Variants in CA10 observed in about 807,000 individuals in gnomAD.
CA10 encodes carbonic anhydrase-related protein 10.
Under a neutral mutation model 44.2 loss-of-function variants are expected in CA10, and 14 were observed. The ratio of observed to expected loss-of-function variants is 0.32; its 90% CI spans 0.21 to 0.50. The LOEUF (loss-of-function observed/expected upper bound fraction) is 0.50. CA10 is among the 20% of genes least tolerant of loss of function. The pLI is 0.99. For missense variants in CA10, 350 were observed against 409.7 expected (o/e 0.85, Z 1.26); for synonymous variants, 159 against 141.6 (o/e 1.12, Z -0.87).
intron 3 of CA10, among the ~76,000 whole-genome samples, chr17:51,752,939 AT>A (rs1295285837): frequency 6.6e-6 from 1 of 152,100 alleles, no homozygotes; most frequent in African/African-American, 2.4e-5. Context: ...AAATAAATAA[AT>A]AAAATAAAAA....
chr17:52,152,979 G>T (rs1158298844), intron 1 of CA10, among the ~76,000 whole-genome samples: 2 of 151,972 alleles, frequency 1.3e-5, no homozygotes, highest in Non-Finnish European at 2.9e-5. Context: ...TTCTATAATG[G>T]CTTGCTATCA....
chr17:52,062,487 T>C (rs1987416576), intron 2 of CA10, among the ~76,000 whole-genome samples: 1 of 152,134 alleles, frequency 6.6e-6, no homozygotes, highest in South Asian at 2.1e-4. Context: ...AAAAGGTTTT[T>C]CAGAAATCTT....
chr17:51,936,532 G>T (rs1401232624), intron 2 of CA10, among the ~76,000 whole-genome samples: 1 of 116,398 alleles, frequency 8.6e-6, no homozygotes, highest in East Asian at 3.2e-4. Flanking sequence ...TGGCAGAGAA[G>T]AGCTGGATGT....
At chr17:52,041,474 T>C (rs994125925) in intron 2 of CA10, among the ~76,000 whole-genome samples, 1 of 152,094 alleles carries the variant, frequency 6.6e-6, no homozygotes, top group Non-Finnish European at 1.5e-5. Flanking sequence ...AAATTGTATA[T>C]ATTTAAGGCA....
intron 3 of CA10, among the ~76,000 whole-genome samples, chr17:51,864,298 C>T (rs193079698): frequency 6.6e-6 from 1 of 152,144 alleles, no homozygotes; most frequent in Non-Finnish European, 1.5e-5. Flanking sequence ...CCCTAAGTTG[C>T]TTAGTAGATC....
intron 2 of CA10, among the ~76,000 whole-genome samples, chr17:51,932,474 G>T (rs1982703112): frequency 6.6e-6 from 1 of 152,066 alleles, no homozygotes; most frequent in Non-Finnish European, 1.5e-5. Flanking sequence ...TAACAGACAT[G>T]GGAGGAGAAC....
intron 3 of CA10, chr17:51,763,068 A>G (rs758375295): frequency 6.6e-6 from 1 of 152,208 alleles, no homozygotes; most frequent in African/African-American, 2.4e-5. Context: ...AAACCCAAGA[A>G]AAGCCCAATG....
intron 3 of CA10, among the ~76,000 whole-genome samples, chr17:51,930,317 C>T (rs893654242): frequency 5.9e-5 from 9 of 151,972 alleles, no homozygotes; most frequent in African/African-American, 1.9e-4. Flanking sequence ...TAAAAGATAG[C>T]CAAGTAGACA....
chr17:51,775,110 G>A (rs1182510589), intron 3 of CA10, among the ~76,000 whole-genome samples: 1 of 152,128 alleles, frequency 6.6e-6, no homozygotes, highest in African/African-American at 2.4e-5. Context: ...CTCTAAAGGG[G>A]GAGGGGCATA....
intron 4 of CA10, among the ~76,000 whole-genome samples, chr17:51,730,299 G>A (rs1043609137): frequency 6.6e-6 from 1 of 152,154 alleles, no homozygotes; most frequent in Non-Finnish European, 1.5e-5. Flanking sequence ...CAGAGTTTTG[G>A]ATTATTCATT....
chr17:51,974,258 C>A (rs1212549357), intron 2 of CA10, among the ~76,000 whole-genome samples: 1 of 151,640 alleles, frequency 6.6e-6, no homozygotes, highest in Non-Finnish European at 1.5e-5. Flanking sequence ...GTGGTGGGAG[C>A]CTGTAATCCC....
intron 4 of CA10, among the ~76,000 whole-genome samples, chr17:51,661,440 T>A (rs1914003851): frequency 6.6e-6 from 1 of 152,176 alleles, no homozygotes; most frequent in Admixed American, 6.5e-5. Context: ...TTGGGTCCCC[T>A]TACATGAGCA....
At chr17:51,693,206 G>A (rs1049183302) in intron 4 of CA10, among the ~76,000 whole-genome samples, 3 of 151,946 alleles carry the variant, frequency 2.0e-5, no homozygotes, top group Admixed American at 2.0e-4. Context: ...ACCAGTTTCA[G>A]TTGGCTTCAG....
chr17:51,882,191 C>A (rs901952706), intron 3 of CA10, among the ~76,000 whole-genome samples: 1 of 151,754 alleles, frequency 6.6e-6, no homozygotes, highest in Admixed American at 6.6e-5. Flanking sequence ...GTACAGTATT[C>A]GCTATGTATA....
intron 4 of CA10, among the ~76,000 whole-genome samples, chr17:51,685,443 A>T (rs1427292689): frequency 6.6e-6 from 1 of 152,154 alleles, no homozygotes; most frequent in Non-Finnish European, 1.5e-5. Context: ...CAAAGCTGCC[A>T]GGTACAACTG....
intron 1 of CA10, among the ~76,000 whole-genome samples, chr17:52,150,491 T>C (rs1001491173): frequency 3.9e-5 from 6 of 152,192 alleles, no homozygotes; most frequent in African/African-American, 1.4e-4. Context: ...GTATCCTCAA[T>C]AAATGTTGAA....
At chr17:52,114,367 T>C (rs1418553173) in intron 1 of CA10, among the ~76,000 whole-genome samples, 1 of 152,208 alleles carries the variant, frequency 6.6e-6, no homozygotes, top group East Asian at 1.9e-4. Flanking sequence ...CTAAACTACC[T>C]AGGTTCCAAT....
In CA10 at chr17:51,631,327, T is replaced by TGA. The variant is rs1567780764; in HGVS notation, c.*256_*257insTC. The TGA allele has an allele frequency of 7.1e-6, 3 of 421,490 alleles. No homozygotes were observed. Among genetic ancestry groups the TGA allele is most frequent in the African/African-American group, 6.1e-5 (3 of 48,878 alleles). 26.1% of individuals were successfully genotyped at this position (421,490 alleles called of 1,614,324 possible). A position where few individuals can be genotyped will look rare whatever the true frequency, so the allele number is the denominator to read the frequency against. On this transcript the variant is annotated 3_prime_UTR_variant, in exon 9 of 9. Transcript: ENST00000451037. ...CTTCCCATGATGGAGGTTGTAAGAG[T>TGA]GTGTGTGTGTGTAGGTATGTTTGCA... is the stretch of plus-strand genomic sequence containing the variant.
chr17:51,631,114 C>G lies in CA10; in HGVS notation c.*470G>C, dbSNP rs1242677569. ...TATCTGAAATTACTTGATGCAAAGT[C>G]CGTTTGATGCCATCAGAGCTGTATT... On this transcript the variant is annotated 3_prime_UTR_variant, in exon 9 of 9. Coordinates refer to ENST00000451037, the MANE Select transcript of CA10 (RefSeq NM_020178.5). 1.9e-5 allele frequency: 3 copies of G among 157,568 alleles called. No homozygotes were observed. The highest frequency in any genetic ancestry group is 7.2e-5 in the African/African-American group (3 of 41,512). 9.8% of individuals were successfully genotyped at this position (157,568 alleles called of 1,614,324 possible). A position where few individuals can be genotyped will look rare whatever the true frequency, so the allele number is the denominator to read the frequency against.
Sources: gnomAD v4.1 joint callset for allele counts (sites outside exome capture counted in the v4.1 genomes callset) on GRCh38, gnomAD v4.1.1 for gene constraint, MANE v1.5 for transcripts, NCBI Gene and HGNC (gene_info 2026-07-23, HGNC 2026-07-21) for gene names.